Variants in TMPRSS15 observed in about 807,000 individuals in gnomAD.
TMPRSS15 encodes transmembrane serine protease 15.
A neutral mutation model predicts 125.3 loss-of-function variants in TMPRSS15; 128 were observed. The observed-to-expected ratio is 1.02, with a 90% CI of 0.89 to 1.18. TMPRSS15 has a LOEUF of 1.18. Ranked by LOEUF, TMPRSS15 falls within the 50% of genes most tolerant of loss-of-function variation. The pLI, the probability that TMPRSS15 is intolerant of heterozygous loss-of-function variation, is 0.00. For missense variants in TMPRSS15, 1,283 were observed against 1,212.7 expected, an observed-to-expected ratio of 1.06 and a Z score of -0.86; for synonymous variants, 446 against 423.2, an observed-to-expected ratio of 1.05 and a Z score of -0.66.
intron 6 of TMPRSS15, 85 bp downstream of exon 6, chr21:18,372,108 G>GTGTGTT: frequency 1.9e-6 from 2 of 1,058,564 alleles, no homozygotes; most frequent in Non-Finnish European, 1.4e-6. Flanking sequence ...ATGTGTGTGT[G>GTGTGTT]TGTGTGTGTG....
chr21:18,417,102 T>G (rs1287457740), intron 1 of TMPRSS15, among the ~76,000 whole-genome samples: 1 of 152,122 alleles, frequency 6.6e-6, no homozygotes. Flanking sequence ...AATTGTAACA[T>G]TTCAGCCAAT....
intron 16 of TMPRSS15, 61 bp from the exon 17 acceptor site, chr21:18,315,317 T>C: frequency 2.1e-6 from 3 of 1,404,896 alleles, no homozygotes; most frequent in South Asian, 1.2e-5. Context: ...GATTCTGGAG[T>C]ACAAATCCCA....
At chr21:18,320,872 A>G (rs923718262) in intron 16 of TMPRSS15, among the ~76,000 whole-genome samples, 1 of 152,160 alleles carries the variant, frequency 6.6e-6, no homozygotes, top group African/African-American at 2.4e-5. Flanking sequence ...CTTATTTCTG[A>G]TAGTTTTATG....
chr21:18,413,155 G>T (rs1426008774), intron 1 of TMPRSS15, among the ~76,000 whole-genome samples: 4 of 151,946 alleles, frequency 2.6e-5, no homozygotes, highest in African/African-American at 9.7e-5. Context: ...GTTTGAATTA[G>T]AAATTTAAGT....
At chr21:18,310,037 A>G (rs1010758405) in intron 18 of TMPRSS15, among the ~76,000 whole-genome samples, 1 of 152,122 alleles carries the variant, frequency 6.6e-6, no homozygotes, top group African/African-American at 2.4e-5. Context: ...GTAAGAAGCT[A>G]AGTTAGGTAT....
chr21:18,311,341 C>T (rs1468367847), intron 18 of TMPRSS15, among the ~76,000 whole-genome samples: 2 of 152,084 alleles, frequency 1.3e-5, no homozygotes, highest in Admixed American at 1.3e-4. Flanking sequence ...ATCCATTTGA[C>T]AAGCACATAT....
At chr21:18,390,209 C>G (rs2075979283) in intron 3 of TMPRSS15, among the ~76,000 whole-genome samples, 1 of 152,184 alleles carries the variant, frequency 6.6e-6, no homozygotes, top group Non-Finnish European at 1.5e-5. Context: ...GGGACTCCTT[C>G]ACACAGTAAC....
In TMPRSS15 at chr21:18,372,097, A is replaced by AGT. The variant is rs1601405253; in HGVS notation, c.664+95_664+96insAC. 5 of 497,170 alleles carry AGT rather than the reference A, an allele frequency of 1.0e-5. No homozygotes were observed. The East Asian group carries it at 1.8e-4, about 18-fold the overall frequency. The allele number at this position is 497,170 out of a possible 1,614,324, so 30.8% of individuals were successfully genotyped here. On this transcript the variant is annotated intron_variant, in intron 6 of 24. Transcript: ENST00000284885. ...AGTAGTTTCAGGTATTTGAGATTAG[A>AGT]ATGTGTGTGTGTGTGTGTGTGTGTG...
intron 21 of TMPRSS15, among the ~76,000 whole-genome samples, chr21:18,287,067 C>T (rs758462550): frequency 2.6e-5 from 4 of 152,190 alleles, no homozygotes; most frequent in Non-Finnish European, 5.9e-5. Flanking sequence ...TCTGTTCATA[C>T]TACTTTTCTT....
intron 8 of TMPRSS15, among the ~76,000 whole-genome samples, chr21:18,359,424 A>G (rs1191246135): frequency 6.6e-6 from 1 of 152,058 alleles, no homozygotes; most frequent in African/African-American, 2.4e-5. Flanking sequence ...ACAGAATAGT[A>G]ATTTTCAGGG....
At chr21:18,379,525 G>T (rs1482834906) in intron 4 of TMPRSS15, among the ~76,000 whole-genome samples, 1 of 152,034 alleles carries the variant, frequency 6.6e-6, no homozygotes, top group Non-Finnish European at 1.5e-5. Flanking sequence ...TTGTAGCACA[G>T]AGGTTTTTAG....
At position 18,340,635 on chromosome 21, in the gene TMPRSS15, G is replaced by A. The variant is rs1015302239; in HGVS notation, c.1564+778C>T. ...TATTTTAGGTGATCTATGTCTGTAT[G>A]TTCAAAGTCCAGGCTTGATTAGTCA... On this transcript the variant is annotated intron_variant, in intron 13 of 24. Coordinates refer to ENST00000284885, the MANE Select transcript of TMPRSS15 (RefSeq NM_002772.3). Among the ~76,000 whole-genome samples the A allele has an allele frequency of 3.9e-5, 6 of 152,152 alleles. No homozygotes were observed. The South Asian group carries it at 8.3e-4, about 21-fold the overall frequency.
chr21:18,456,738 A>C (rs1978448771), intron 1 of TMPRSS15, among the ~76,000 whole-genome samples: 1 of 152,146 alleles, frequency 6.6e-6, no homozygotes, highest in Non-Finnish European at 1.5e-5. Context: ...ACTGATTATA[A>C]AAGTAATCAA....
chr21:18,372,684 T>A (rs2075803728), intron 5 of TMPRSS15, among the ~76,000 whole-genome samples: 2 of 152,208 alleles, frequency 1.3e-5, no homozygotes, highest in African/African-American at 4.8e-5. Flanking sequence ...AAATTCCCAG[T>A]GCATTGTGAC....
intron 15 of TMPRSS15, among the ~76,000 whole-genome samples, chr21:18,328,505 T>C (rs2075314546): frequency 6.6e-6 from 1 of 152,138 alleles, no homozygotes; most frequent in African/African-American, 2.4e-5. Context: ...TAGTCTCCAA[T>C]GGGTAGTGCT....
At chr21:18,277,221 C>G (rs1205176454) in intron 23 of TMPRSS15, among the ~76,000 whole-genome samples, 1 of 152,042 alleles carries the variant, frequency 6.6e-6, no homozygotes, top group African/African-American at 2.4e-5. Flanking sequence ...TTTCCTGGCT[C>G]CATACCACTC....
At chr21:18,344,711 A>G (rs1431162730) in intron 10 of TMPRSS15, among the ~76,000 whole-genome samples, 1 of 152,206 alleles carries the variant, frequency 6.6e-6, no homozygotes, top group African/African-American at 2.4e-5. Flanking sequence ...CCAACCAATG[A>G]TTTCAGTCAT....
In TMPRSS15 at chr21:18,353,802, G is replaced by C; in HGVS notation, c.942C>G (p.Thr314=). ...IRIFSNQVTA[T]FLIESDESDY... ...CACTTTCATCAGATTCTATAAGAAA[G>C]GTGGCAGTAACTTGGTTGGAAAAAA... The change falls in exon 9 of 25, where the codon ACC becomes ACG. Residue 314 remains threonine, a synonymous_variant. Coordinates refer to ENST00000284885, the MANE Select transcript of TMPRSS15 (RefSeq NM_002772.3). The C allele has an allele frequency of 1.2e-6, 2 of 1,611,870 alleles. No homozygotes were observed. Among genetic ancestry groups the C allele is most frequent in the Non-Finnish European group, 1.7e-6 (2 of 1,178,494 alleles).
intron 18 of TMPRSS15, among the ~76,000 whole-genome samples, chr21:18,300,220 CTCTTTTTCTTTCTT>C (rs2074953188): frequency 1.9e-5 from 2 of 102,716 alleles, no homozygotes; most frequent in East Asian, 2.7e-4. Context: ...TTTTCTTTCT[CTCTTTTTCTTTCTT>C]TCTTTCTTTG....
Sources: allele counts gnomAD v4.1 joint callset (sites outside exome capture counted in the v4.1 genomes callset), GRCh38; gene constraint gnomAD v4.1.1; transcripts MANE v1.5; gene names NCBI Gene and HGNC (gene_info 2026-07-23, HGNC 2026-07-21).